Variants in ORC4 observed in about 807,000 individuals in gnomAD.
ORC4 encodes the protein origin recognition complex subunit 4.
In ORC4, 55 loss-of-function variants were observed where a neutral mutation model predicts 63.9. That is an observed-to-expected ratio of 0.86 (90% CI 0.69 to 1.08). The LOEUF (loss-of-function observed/expected upper bound fraction) is 1.08, where lower values mean the gene tolerates loss of function less well. Among genes scored for constraint, ORC4 ranks in the 50% least tolerant of loss-of-function variants. ORC4 has a pLI of 0.00. For synonymous variants in ORC4, 150 were observed against 168.5 expected (o/e 0.89, Z 0.85); for missense variants, 511 against 504.4 (o/e 1.01, Z -0.13).
Position 148,009,920 on chromosome 2 carries a change from G to A in ORC4, c.-18+10713C>T, listed in dbSNP as rs964730565. On this transcript the variant is annotated intron_variant, in intron 1 of 13. Coordinates refer to ENST00000392857, the MANE Select transcript of ORC4 (RefSeq NM_181741.4). ...TTATAAAAACATAGATAGACCAAAA[G>A]ATGGAAAGAGACATTGCATGCAAAC... is the stretch of plus-strand genomic sequence containing the variant. Among the ~76,000 whole-genome samples the A allele has an allele frequency of 2.6e-5, 4 of 152,100 alleles. No homozygotes were observed. In the South Asian group the frequency reaches 8.3e-4, roughly 31 times the overall value.
rs147612226 is a variant in ORC4, at chr2:147,948,137, A to G, written c.676T>C (p.Tyr226His). The G allele has an allele frequency of 5.0e-5, 81 of 1,610,184 alleles. No individual in the cohort carries two copies. The highest frequency in any genetic ancestry group is 6.8e-5 in the Non-Finnish European group (80 of 1,176,950). ...HLMNSFGFPQ[Y>H]VKIFKEQLSL... ...AACTGTTCTTTAAATATTTTAACAT[A>G]CTGTGGAAAACCAAATGAATTCATT... The change falls in exon 9 of 14, where the codon TAT becomes CAT. Residue 226 changes from tyrosine (Y) to histidine (H), a missense_variant. Physicochemically the swap from Tyr to His is moderately conservative, Grantham distance 83. Transcript: ENST00000392857.
chr2:147,948,309 A>T, intron 8 of ORC4, 85 bp from the exon 9 acceptor site: 1 of 823,284 alleles, frequency 1.2e-6, no homozygotes, highest in Non-Finnish European at 2.0e-6. Context: ...AGGTATAAGT[A>T]AACTATCACC....
intron 11 of ORC4, 84 bp downstream of exon 11, chr2:147,939,056 G>T: frequency 1.2e-6 from 1 of 847,020 alleles, no homozygotes; most frequent in Non-Finnish European, 2.0e-6. Context: ...TTATGCCCAC[G>T]TTAATTGTAA....
intron 1 of ORC4, among the ~76,000 whole-genome samples, chr2:148,004,810 T>G (rs1237326150): frequency 6.6e-6 from 1 of 152,112 alleles, no homozygotes; most frequent in African/African-American, 2.4e-5. Flanking sequence ...AAAAAAAGCT[T>G]ATCATTACTG....
At chr2:147,958,617 G>A (rs934464534) in intron 5 of ORC4, 174 bp downstream of exon 5, 11 of 564,374 alleles carry the variant, frequency 1.9e-5, no homozygotes, top group African/African-American at 1.4e-4. Flanking sequence ...GTCCTTCTGC[G>A]ACTCCTTCAT....
chr2:147,955,785 T>C (rs896469847), intron 6 of ORC4, among the ~76,000 whole-genome samples: 2 of 152,030 alleles, frequency 1.3e-5, no homozygotes, highest in African/African-American at 2.4e-5. Context: ...GGATTCTACT[T>C]TGTGTCTTCA....
chr2:147,987,318 A>G (rs1401045396), intron 1 of ORC4, among the ~76,000 whole-genome samples: 4 of 149,850 alleles, frequency 2.7e-5, no homozygotes, highest in Non-Finnish European at 5.9e-5. Flanking sequence ...CTATTTCATA[A>G]TATTTGTCAT....
At chr2:147,943,564 T>C (rs772536487) in intron 9 of ORC4, 42 bp from the exon 10 acceptor site, 22 of 1,229,582 alleles carry the variant, frequency 1.8e-5, no homozygotes, top group Admixed American at 5.2e-5. Context: ...TGAGGAAAGA[T>C]GTAGTTTAAA....
intron 4 of ORC4, among the ~76,000 whole-genome samples, chr2:147,969,529 T>C (rs1310522120): frequency 6.6e-6 from 1 of 151,918 alleles, no homozygotes; most frequent in Admixed American, 6.6e-5. Flanking sequence ...AAAAGATTCT[T>C]AGAAAACTGA....
chr2:147,985,317 C>T (rs1322732702), intron 1 of ORC4, among the ~76,000 whole-genome samples: 1 of 152,190 alleles, frequency 6.6e-6, no homozygotes, highest in Admixed American at 6.5e-5. Flanking sequence ...CTCCCTCAGC[C>T]TCCTGAGTAG....
In ORC4 at chr2:147,933,386, T is replaced by C. The variant is rs1687873925; in HGVS notation, c.*2124A>G. The C allele has an allele frequency of 6.6e-6, 1 of 152,134 alleles. No homozygotes were observed. Among genetic ancestry groups the C allele is most frequent in the African/African-American group, 2.4e-5 (1 of 41,454 alleles). The allele number at this position is 152,134 out of a possible 1,614,324, so 9.4% of individuals were successfully genotyped here. ...ATATGGAAAGGCCAACAAGCAGCAC[T>C]GTTCCTCCCCACAAAAATGCCTTGG... On this transcript the variant is annotated 3_prime_UTR_variant, in exon 14 of 14. Transcript: ENST00000392857.
At chr2:147,974,807 TAAA>T (rs35378474) in intron 2 of ORC4, among the ~76,000 whole-genome samples, 4 of 119,900 alleles carry the variant, frequency 3.3e-5, no homozygotes, top group Non-Finnish European at 5.2e-5. Context: ...ATCTTTTCCT[TAAA>T]AAAAAAAAAA....
At chr2:148,015,423 T>A (rs937366756) in intron 1 of ORC4, among the ~76,000 whole-genome samples, 9 of 147,908 alleles carry the variant, frequency 6.1e-5, no homozygotes, top group African/African-American at 2.2e-4. Context: ...CACACCATTC[T>A]CCTGCCTCAG....
chr2:148,010,464 A>G (rs1692895967), intron 1 of ORC4, among the ~76,000 whole-genome samples: 1 of 152,038 alleles, frequency 6.6e-6, no homozygotes, highest in South Asian at 2.1e-4. Flanking sequence ...AGACTAAGAA[A>G]AGAAAAAAAA....
intron 1 of ORC4, among the ~76,000 whole-genome samples, chr2:148,015,854 C>A (rs900816255): frequency 6.6e-6 from 1 of 152,110 alleles, no homozygotes; most frequent in African/African-American, 2.4e-5. Flanking sequence ...TGCTAATGAA[C>A]GTACAGTGCA....
chr2:148,007,239 C>A (rs1692690107), intron 1 of ORC4, among the ~76,000 whole-genome samples: 1 of 152,134 alleles, frequency 6.6e-6, no homozygotes, highest in African/African-American at 2.4e-5. Context: ...TCAAGAACAT[C>A]TAGGAAAACA....
intron 1 of ORC4, among the ~76,000 whole-genome samples, chr2:147,984,689 T>C (rs1390339799): frequency 1.3e-5 from 2 of 152,188 alleles, no homozygotes; most frequent in South Asian, 2.1e-4. Flanking sequence ...ATTATAGGAA[T>C]TGTAAAAATG....
chr2:147,983,796 T>C (rs546253844), intron 1 of ORC4, among the ~76,000 whole-genome samples: 14 of 152,306 alleles, frequency 9.2e-5, no homozygotes, highest in African/African-American at 2.4e-4. Context: ...AAAGAGATTG[T>C]AGACACGGCA....
chr2:147,956,465 A>G (rs1256700473), intron 6 of ORC4, among the ~76,000 whole-genome samples: 1 of 152,062 alleles, frequency 6.6e-6, no homozygotes, highest in Non-Finnish European at 1.5e-5. Flanking sequence ...GTGCATGTAT[A>G]ATATACATAT....
Sources: gnomAD v4.1 joint callset for allele counts (sites outside exome capture counted in the v4.1 genomes callset) on GRCh38, gnomAD v4.1.1 for gene constraint, MANE v1.5 for transcripts, NCBI Gene and HGNC (gene_info 2026-07-23, HGNC 2026-07-21) for gene names.